REEP1: variants seen among roughly 807,000 people sequenced by gnomAD.
REEP1 encodes the protein receptor expression-enhancing protein 1.
REEP1 carries 22 observed loss-of-function variants against 40.3 expected under a neutral mutation model. The observed-to-expected ratio is 0.55, with a 90% CI of 0.39 to 0.78. The LOEUF (loss-of-function observed/expected upper bound fraction) is 0.78, where lower values mean the gene tolerates loss of function less well. Among genes scored for constraint, REEP1 ranks in the 30% least tolerant of loss-of-function variants. REEP1 has a pLI of 0.00. For synonymous variants in REEP1, 116 were observed against 139.2 expected (o/e 0.83, Z 1.17); for missense variants, 280 against 361.1 (o/e 0.78, Z 1.82).
rs3821015 is a variant in REEP1 at position 86,281,979 on chromosome 2, C to T, written c.105+191G>A. 0.03 allele frequency among the ~76,000 whole-genome samples: 4,585 copies of T among 152,270 alleles called. 119 individuals are homozygous for T. The highest frequency in any genetic ancestry group is 0.071 in the East Asian group (367 of 5,180). On this transcript the variant is annotated intron_variant, in intron 2 of 8. Coordinates refer to ENST00000538924, the MANE Select transcript of REEP1 (RefSeq NM_001371279.1). ...TATCTCCCTGCTTTTCTCACCTCAA[C>T]GCTCTAGGTCTAGGCAGGGGAAGGT... is the stretch of plus-strand genomic sequence containing the variant.
intron 8 of REEP1, among the ~76,000 whole-genome samples, chr2:86,218,079 G>A (rs1159183526): frequency 1.3e-5 from 2 of 151,982 alleles, no homozygotes; most frequent in South Asian, 2.1e-4. Flanking sequence ...TATTCCTTCT[G>A]ACTGGAAGCC....
chr2:86,295,013 C>A (rs565561773), intron 1 of REEP1, among the ~76,000 whole-genome samples: 1 of 151,740 alleles, frequency 6.6e-6, no homozygotes, highest in Non-Finnish European at 1.5e-5. Flanking sequence ...AGCATGGCAC[C>A]CTGATTAGAA....
At chr2:86,229,166 G>A (rs776690344) in intron 6 of REEP1, among the ~76,000 whole-genome samples, 2 of 152,142 alleles carry the variant, frequency 1.3e-5, no homozygotes, top group Non-Finnish European at 2.9e-5. Flanking sequence ...GGGACTATTC[G>A]GTCTTTTTTA....
Position 86,250,372 on chromosome 2 carries a change from G to A in REEP1, c.417+1585C>T, listed in dbSNP as rs755164097. ...AGAGAGAGGCTGAGACAGGGTTTCC[G>A]TAGCTTTACGTTGCCAGGTTGGCCT... On this transcript the variant is annotated intron_variant, in intron 5 of 8. Coordinates refer to ENST00000538924, the MANE Select transcript of REEP1 (RefSeq NM_001371279.1). Among the ~76,000 whole-genome samples the A allele has an allele frequency of 2.2e-4, 33 of 152,312 alleles. 1 individual carries two copies. The Middle Eastern group carries it at 0.01, about 47-fold the overall frequency.
chr2:86,227,281 A>G (rs1440199896), intron 7 of REEP1, 82 bp downstream of exon 7: 3 of 1,144,678 alleles, frequency 2.6e-6, no homozygotes, highest in South Asian at 8.9e-5. Context: ...AGGGAGCCCC[A>G]GGGTCAGGTG....
intron 5 of REEP1, among the ~76,000 whole-genome samples, chr2:86,242,234 A>G (rs1350133816): frequency 6.6e-6 from 1 of 152,216 alleles, no homozygotes; most frequent in Non-Finnish European, 1.5e-5. Context: ...AGGTTCACAG[A>G]GGTGCAGCAG....
intron 1 of REEP1, among the ~76,000 whole-genome samples, chr2:86,309,111 G>GCTGTGGGGGTA (rs1679637141): frequency 2.0e-5 from 3 of 152,220 alleles, no homozygotes; most frequent in Non-Finnish European, 4.4e-5. Flanking sequence ...CTTTGGCCTA[G>GCTGTGGGGGTA]TTAAAAATAC....
rs1486317737 is a variant in REEP1 at position 86,214,586 on chromosome 2, AC to A, written c.*2452del. The stretch of plus-strand genomic sequence containing the variant: ...TTGTATCCTCTAGACAGAACACCAC[AC>A]CACTACATGTACACTTACAGGCTTT... On this transcript the variant is annotated 3_prime_UTR_variant, in exon 9 of 9. Transcript: ENST00000538924. The A allele has an allele frequency of 6.6e-6, 1 of 152,654 alleles. No individual in the cohort carries two copies. The highest frequency in any genetic ancestry group is 1.5e-5 in the Non-Finnish European group (1 of 68,042). The allele number at this position is 152,654 out of a possible 1,614,324, so 9.5% of individuals were successfully genotyped here.
At chr2:86,281,796 C>T (rs1422698970) in intron 2 of REEP1, among the ~76,000 whole-genome samples, 1 of 152,208 alleles carries the variant, frequency 6.6e-6, no homozygotes, top group African/African-American at 2.4e-5. Flanking sequence ...AAAACCTGTG[C>T]TCCTGCCTGC....
intron 1 of REEP1, among the ~76,000 whole-genome samples, chr2:86,327,713 AC>A (rs1312065892): frequency 6.6e-6 from 1 of 151,442 alleles, no homozygotes; most frequent in African/African-American, 2.4e-5. Context: ...GACTACAGGC[AC>A]CCGCCTCCAC....
chr2:86,254,942 C>T, intron 3 of REEP1, 128 bp from the exon 4 acceptor site: 2 of 964,466 alleles, frequency 2.1e-6, no homozygotes, highest in South Asian at 1.4e-5. Flanking sequence ...TCCCAGATTC[C>T]TCTGTCCTCC....
chr2:86,327,876 A>G (rs72926441), intron 1 of REEP1, among the ~76,000 whole-genome samples: 3,697 of 152,032 alleles, frequency 0.024, 154 homozygotes, highest in African/African-American at 0.082. Flanking sequence ...CCTATCTTAC[A>G]TTTTAATGAG....
chr2:86,275,739 C>A (rs1677724786), intron 2 of REEP1, among the ~76,000 whole-genome samples: 1 of 152,232 alleles, frequency 6.6e-6, no homozygotes. Flanking sequence ...CCCTACAAAG[C>A]ATGTGACTCT....
At chr2:86,284,531 G>C (rs77394569) in intron 1 of REEP1, among the ~76,000 whole-genome samples, 1 of 152,188 alleles carries the variant, frequency 6.6e-6, no homozygotes, top group African/African-American at 2.4e-5. Flanking sequence ...CGAGGTGGAC[G>C]CCAGACAGCA....
intron 7 of REEP1, among the ~76,000 whole-genome samples, chr2:86,221,015 T>C (rs1674395843): frequency 6.6e-6 from 1 of 152,186 alleles, no homozygotes; most frequent in African/African-American, 2.4e-5. Flanking sequence ...CATCTATTGT[T>C]TTTACCTAGA....
At chr2:86,308,375 C>T (rs1679603152) in intron 1 of REEP1, among the ~76,000 whole-genome samples, 1 of 100,570 alleles carries the variant, frequency 9.9e-6, no homozygotes, top group African/African-American at 3.5e-5. Context: ...AACTCCATTT[C>T]TACTAAAAAT....
intron 3 of REEP1, among the ~76,000 whole-genome samples, chr2:86,255,492 C>A (rs1676508597): frequency 6.6e-6 from 1 of 152,146 alleles, no homozygotes; most frequent in African/African-American, 2.4e-5. Context: ...GTCCTGCATA[C>A]CCTCAAGCCT....
At chr2:86,259,537 C>T (rs1271180313) in intron 3 of REEP1, among the ~76,000 whole-genome samples, 1 of 151,728 alleles carries the variant, frequency 6.6e-6, no homozygotes, top group Non-Finnish European at 1.5e-5. Flanking sequence ...AGGTGCTGCA[C>T]CACCACACCC....
At chr2:86,287,962 T>C (rs1000678601) in intron 1 of REEP1, among the ~76,000 whole-genome samples, 11 of 152,236 alleles carry the variant, frequency 7.2e-5, no homozygotes, top group African/African-American at 2.4e-4. Flanking sequence ...ACTTATGTTT[T>C]TGAAATTCAA....
Sources: allele counts gnomAD v4.1 joint callset (sites outside exome capture counted in the v4.1 genomes callset), GRCh38; gene constraint gnomAD v4.1.1; transcripts MANE v1.5; gene names NCBI Gene and HGNC (gene_info 2026-07-23, HGNC 2026-07-21).